The following NFIB variants were observed in gnomAD, a reference collection of about 807,000 sequenced individuals.
NFIB encodes the protein nuclear factor 1 B-type.
NFIB carries 11 observed loss-of-function variants against 61.5 expected under a neutral mutation model. That is an observed-to-expected ratio of 0.18 (90% CI 0.11 to 0.30). NFIB has a LOEUF of 0.30. NFIB is among the 10% of genes least tolerant of loss of function. The probability of loss-of-function intolerance (pLI) is 1.00; values close to 1 mark genes in which losing one functional copy is unlikely to be tolerated. For missense variants in NFIB, 471 were observed against 608.9 expected (o/e 0.77, Z 2.38); for synonymous variants, 260 against 216.5 (o/e 1.20, Z -1.76).
intron 2 of NFIB, among the ~76,000 whole-genome samples, chr9:14,261,437 G>A (rs908870788): frequency 2.0e-5 from 3 of 152,198 alleles, no homozygotes; most frequent in Non-Finnish European, 4.4e-5. Context: ...ATTTCAGCCC[G>A]TAATAAGGCA....
rs34055171 is a variant in NFIB, at chr9:14,217,660, C to CA, written c.563-37881dup. Among the ~76,000 whole-genome samples, 48 of 81,504 alleles carry CA rather than the reference C, an allele frequency of 5.9e-4. 1 individual carries two copies. The highest frequency in any genetic ancestry group is 1.8e-3 in the African/African-American group (37 of 20,236). The allele number at this position is 81,504 out of a possible 152,430, so 53.5% of individuals were successfully genotyped here. ...GGGCAACAAGAGTGAAACTCCATCT[C>CA]AAAAAAAAAAAAAAAAAAAAAGACA... On this transcript the variant is annotated intron_variant, in intron 2 of 10. Coordinates refer to ENST00000380953, the MANE Select transcript of NFIB (RefSeq NM_001190737.2).
the NFIB span, among the ~76,000 whole-genome samples, chr9:14,515,366 C>T: frequency 0.75 from 114,378 of 152,056 alleles, 43,230 homozygotes; most frequent in Non-Finnish European, 0.79. Context: ...CTGAGCTCTC[C>T]GAGTTCTCAC....
chr9:14,296,621 G>A (rs777819237), intron 2 of NFIB, among the ~76,000 whole-genome samples: 8 of 152,168 alleles, frequency 5.3e-5, no homozygotes, highest in South Asian at 2.1e-4. Context: ...CTGCATGTAC[G>A]GAAACAAGGA....
chr9:14,106,410 T>A (rs148658277), intron 10 of NFIB, among the ~76,000 whole-genome samples: 1 of 152,064 alleles, frequency 6.6e-6, no homozygotes, highest in South Asian at 2.1e-4. Flanking sequence ...AGTAAGATTA[T>A]CTTCCAAAAA....
At chr9:14,298,021 T>C (rs1430723220) in intron 2 of NFIB, among the ~76,000 whole-genome samples, 1 of 152,174 alleles carries the variant, frequency 6.6e-6, no homozygotes. Flanking sequence ...ATAGTTATTT[T>C]TACATGCTGG....
intron 1 of NFIB, among the ~76,000 whole-genome samples, chr9:14,356,020 CG>C (rs1166115699): frequency 2.0e-5 from 3 of 151,220 alleles, no homozygotes; most frequent in African/African-American, 7.3e-5. Flanking sequence ...CTTTCAACAA[CG>C]GGCTTGCATT....
chr9:14,186,662 T>C (rs979158394), intron 2 of NFIB, among the ~76,000 whole-genome samples: 2 of 152,074 alleles, frequency 1.3e-5, no homozygotes, highest in Non-Finnish European at 2.9e-5. Context: ...GCCCAAAGTT[T>C]TCTACCTCAC....
At chr9:14,293,263 C>G (rs190136408) in intron 2 of NFIB, among the ~76,000 whole-genome samples, 1 of 152,290 alleles carries the variant, frequency 6.6e-6, no homozygotes, top group African/African-American at 2.4e-5. Flanking sequence ...ATGTTTTTCC[C>G]TGACAATGTG....
chr9:14,423,377 C>G, the NFIB span, among the ~76,000 whole-genome samples: 142 of 152,204 alleles, frequency 9.3e-4, no homozygotes, highest in Non-Finnish European at 1.4e-3. Context: ...AAATCAAGCC[C>G]TCTTACACAG....
the NFIB span, among the ~76,000 whole-genome samples, chr9:14,443,169 GAGGGTGATC>G: frequency 6.6e-6 from 1 of 152,138 alleles, no homozygotes; most frequent in African/African-American, 2.4e-5. Flanking sequence ...TGGCAGTGCT[GAGGGTGATC>G]AGTCGGGCAG....
intron 6 of NFIB, among the ~76,000 whole-genome samples, chr9:14,137,390 A>T (rs1210815537): frequency 6.6e-6 from 1 of 152,224 alleles, no homozygotes; most frequent in African/African-American, 2.4e-5. Context: ...GAGAGTGTTT[A>T]AAATGAACAT....
chr9:14,440,177 G>A, the NFIB span, among the ~76,000 whole-genome samples: 1 of 152,128 alleles, frequency 6.6e-6, no homozygotes. Flanking sequence ...GGGTGGGGCT[G>A]GGGCAGTCTA....
At chr9:14,165,503 T>C (rs1182402163) in intron 3 of NFIB, among the ~76,000 whole-genome samples, 2 of 152,134 alleles carry the variant, frequency 1.3e-5, no homozygotes, top group Admixed American at 6.5e-5. Flanking sequence ...AAAGCTATCA[T>C]TACGATAGAG....
intron 9 of NFIB, among the ~76,000 whole-genome samples, chr9:14,115,082 G>A (rs1228010581): frequency 6.6e-6 from 1 of 152,044 alleles, no homozygotes; most frequent in Non-Finnish European, 1.5e-5. Flanking sequence ...TTAATTGACG[G>A]GGCTCATGAA....
chr9:14,443,235 C>A, the NFIB span, among the ~76,000 whole-genome samples: 5 of 152,164 alleles, frequency 3.3e-5, no homozygotes, highest in South Asian at 1.0e-3. Context: ...CATCTCCGTT[C>A]TCCTTCTTGG....
chr9:14,306,258 T>A (rs1303242201), intron 2 of NFIB, among the ~76,000 whole-genome samples: 2 of 152,138 alleles, frequency 1.3e-5, no homozygotes, highest in African/African-American at 2.4e-5. Flanking sequence ...GCGACTTTCC[T>A]CCTCGGTAAG....
At chr9:14,143,901 G>A (rs1381413069) in intron 6 of NFIB, among the ~76,000 whole-genome samples, 3 of 151,758 alleles carry the variant, frequency 2.0e-5, no homozygotes, top group African/African-American at 7.3e-5. Context: ...TGTACTGCCC[G>A]CATTTCTTCA....
chr9:14,226,938 G>T (rs10120632), intron 2 of NFIB, among the ~76,000 whole-genome samples: 5 of 151,822 alleles, frequency 3.3e-5, no homozygotes, highest in African/African-American at 1.2e-4. Context: ...TCAGGAGTTC[G>T]TGACCAGCCT....
At chr9:14,251,021 T>C (rs894148975) in intron 2 of NFIB, among the ~76,000 whole-genome samples, 5 of 152,224 alleles carry the variant, frequency 3.3e-5, no homozygotes, top group Admixed American at 2.0e-4. Flanking sequence ...TGTCTATTCC[T>C]GAAGTATGAT....
Sources: allele counts gnomAD v4.1 joint callset (sites outside exome capture counted in the v4.1 genomes callset), GRCh38; gene constraint gnomAD v4.1.1; transcripts MANE v1.5; gene names NCBI Gene and HGNC (gene_info 2026-07-23, HGNC 2026-07-21).